Variants in FSTL4 observed in about 807,000 individuals in gnomAD.
The protein encoded by FSTL4 is follistatin-related protein 4.
In FSTL4, 28 loss-of-function variants were observed where a neutral mutation model predicts 78.2. The observed-to-expected ratio is 0.36, with a 90% CI of 0.27 to 0.49. FSTL4 has a LOEUF of 0.49. Among genes scored for constraint, FSTL4 ranks in the 20% least tolerant of loss-of-function variants. The pLI is 0.98. For synonymous variants in FSTL4, 422 were observed against 440.5 expected, an observed-to-expected ratio of 0.96 and a Z score of 0.53; for missense variants, 922 against 1,084.9, an observed-to-expected ratio of 0.85 and a Z score of 2.11.
At chr5:133,363,378 C>G (rs991461949) in intron 4 of FSTL4, among the ~76,000 whole-genome samples, 1 of 152,116 alleles carries the variant, frequency 6.6e-6, no homozygotes, top group South Asian at 2.1e-4. Flanking sequence ...CGGTAGCCCC[C>G]TCAATCCTTG....
At chr5:133,215,504 C>A (rs1443649915) in intron 13 of FSTL4, among the ~76,000 whole-genome samples, 1 of 151,604 alleles carries the variant, frequency 6.6e-6, no homozygotes, top group Non-Finnish European at 1.5e-5. Flanking sequence ...CTGCTCCCTG[C>A]CTTGCCCGAA....
chr5:133,805,482 G>C, the FSTL4 span, among the ~76,000 whole-genome samples: 1 of 152,216 alleles, frequency 6.6e-6, no homozygotes, highest in Non-Finnish European at 1.5e-5. Context: ...GTGCAGAAAT[G>C]TGACTATCGT....
chr5:133,217,448 T>G, intron 12 of FSTL4, 70 bp from the exon 13 acceptor site: 2 of 1,414,474 alleles, frequency 1.4e-6, no homozygotes, highest in Non-Finnish European at 2.0e-6. Context: ...AGGTACTCTC[T>G]CCCCTGACCC....
intron 6 of FSTL4, among the ~76,000 whole-genome samples, chr5:133,255,309 T>C (rs1056075487): frequency 2.0e-5 from 3 of 152,200 alleles, no homozygotes; most frequent in Non-Finnish European, 4.4e-5. Flanking sequence ...CAGAAGTCTG[T>C]GCCCACAGAG....
At chr5:133,224,925 G>C (rs537201593) in intron 10 of FSTL4, among the ~76,000 whole-genome samples, 1 of 152,344 alleles carries the variant, frequency 6.6e-6, no homozygotes, top group African/African-American at 2.4e-5. Context: ...CTGCTGTCCA[G>C]GGAATCTCCC....
At chr5:133,786,168 C>A in the FSTL4 span, among the ~76,000 whole-genome samples, 1 of 152,184 alleles carries the variant, frequency 6.6e-6, no homozygotes, top group African/African-American at 2.4e-5. Context: ...TTCCAAGTGG[C>A]CTTTTCCTCC....
At chr5:133,405,383 A>G (rs1210422887) in intron 3 of FSTL4, among the ~76,000 whole-genome samples, 1 of 152,234 alleles carries the variant, frequency 6.6e-6, no homozygotes. Flanking sequence ...GGCCCAGTAC[A>G]GCAGCTGTCT....
intron 3 of FSTL4, among the ~76,000 whole-genome samples, chr5:133,416,781 A>G (rs1029154309): frequency 6.6e-6 from 1 of 152,344 alleles, no homozygotes; most frequent in African/African-American, 2.4e-5. Context: ...AAAAACTGCT[A>G]AGGACATAAA....
chr5:133,376,506 A>C (rs1755439496), intron 4 of FSTL4, among the ~76,000 whole-genome samples: 1 of 152,228 alleles, frequency 6.6e-6, no homozygotes, highest in Non-Finnish European at 1.5e-5. Context: ...CTCTTCAGAG[A>C]AATAAATATA....
intron 3 of FSTL4, among the ~76,000 whole-genome samples, chr5:133,552,983 T>C (rs1350234832): frequency 6.6e-6 from 1 of 152,114 alleles, no homozygotes; most frequent in Non-Finnish European, 1.5e-5. Flanking sequence ...AACTGTAGGG[T>C]TCAGGGCAAG....
intron 4 of FSTL4, among the ~76,000 whole-genome samples, chr5:133,366,010 A>T (rs1369857872): frequency 6.6e-6 from 1 of 151,888 alleles, no homozygotes; most frequent in Non-Finnish European, 1.5e-5. Flanking sequence ...CCCTCCTCTA[A>T]TGGGCAACCC....
At chr5:133,453,066 T>G (rs1320875942) in intron 3 of FSTL4, among the ~76,000 whole-genome samples, 1 of 152,192 alleles carries the variant, frequency 6.6e-6, no homozygotes, top group Non-Finnish European at 1.5e-5. Context: ...AATGAATGAA[T>G]GAATGAATGA....
At chr5:133,210,481 T>C (rs912785406) in intron 13 of FSTL4, among the ~76,000 whole-genome samples, 183 bp from the exon 14 acceptor site, 2 of 149,704 alleles carry the variant, frequency 1.3e-5, no homozygotes, top group African/African-American at 4.9e-5. Flanking sequence ...TTATTATTAT[T>C]ATTATTATTA....
rs555958471 is a variant in FSTL4, at chr5:133,277,374, G to T, written c.728-27798C>A. On this transcript the variant is annotated intron_variant, in intron 6 of 15. Coordinates refer to ENST00000265342, the MANE Select transcript of FSTL4 (RefSeq NM_015082.2). ...TGTCAGGTAGGAGGACGGGTATGGGGATTGGGTGCAGGCAGGAAGGAGGGC... is the reference window on the plus strand; with the variant it reads ...TGTCAGGTAGGAGGACGGGTATGGGTATTGGGTGCAGGCAGGAAGGAGGGC... Among the ~76,000 whole-genome samples the T allele has an allele frequency of 1.1e-4, 17 of 152,242 alleles. No individual in the cohort carries two copies. The East Asian group carries it at 3.1e-3, about 28-fold the overall frequency.
chr5:133,695,323 G>A, the FSTL4 span, among the ~76,000 whole-genome samples: 7 of 152,252 alleles, frequency 4.6e-5, no homozygotes, highest in South Asian at 1.5e-3. Context: ...TTCGTGATCT[G>A]TGGTCCCAGA....
At chr5:133,339,491 G>A (rs566834660) in intron 4 of FSTL4, among the ~76,000 whole-genome samples, 4 of 151,988 alleles carry the variant, frequency 2.6e-5, no homozygotes, top group Non-Finnish European at 5.9e-5. Context: ...TCAGAACATC[G>A]ATCATCTCTG....
At chr5:133,350,461 G>A (rs1754799543) in intron 4 of FSTL4, among the ~76,000 whole-genome samples, 1 of 152,204 alleles carries the variant, frequency 6.6e-6, no homozygotes, top group Non-Finnish European at 1.5e-5. Flanking sequence ...CAGGCTCTCA[G>A]GGTTGACTAC....
chr5:133,311,106 A>G (rs1753769772), intron 6 of FSTL4, among the ~76,000 whole-genome samples: 1 of 152,196 alleles, frequency 6.6e-6, no homozygotes, highest in African/African-American at 2.4e-5. Context: ...AACGTGGCCA[A>G]TTTAAAGCGA....
At chr5:133,636,997 G>A in the FSTL4 span, among the ~76,000 whole-genome samples, 5 of 152,300 alleles carry the variant, frequency 3.3e-5, no homozygotes, top group African/African-American at 9.6e-5. Context: ...AATCTGCACT[G>A]TTTGGCTGGA....
Sources: allele counts gnomAD v4.1 joint callset (sites outside exome capture counted in the v4.1 genomes callset), GRCh38; gene constraint gnomAD v4.1.1; transcripts MANE v1.5; gene names NCBI Gene and HGNC (gene_info 2026-07-23, HGNC 2026-07-21).